The following DENND1A variants were observed in gnomAD, a reference collection of about 807,000 sequenced individuals.
DENND1A encodes DENN domain containing 1A, also known as DENN domain-containing protein 1A.
In DENND1A, 51 loss-of-function variants were observed where a neutral mutation model predicts 113.7. The ratio of observed to expected loss-of-function variants is 0.45; its 90% confidence interval spans 0.36 to 0.57. DENND1A has a LOEUF of 0.57. Among genes scored for constraint, DENND1A ranks in the 20% least tolerant of loss-of-function variants. The pLI is 0.00. For missense variants in DENND1A, 1,258 were observed against 1,395.9 expected, an observed-to-expected ratio of 0.90 and a Z score of 1.57; for synonymous variants, 565 against 570.8, an observed-to-expected ratio of 0.99 and a Z score of 0.14.
chr9:123,813,404 A>G (rs867738452), intron 2 of DENND1A, among the ~76,000 whole-genome samples: 17 of 150,482 alleles, frequency 1.1e-4, no homozygotes, highest in African/African-American at 3.9e-4. Context: ...TGTGAGTAGG[A>G]CTTTTTTTTT....
rs191184773 is a variant in DENND1A at position 123,470,529 on chromosome 9, G to C, written c.994-12632C>G. On this transcript the variant is annotated intron_variant, in intron 13 of 23. Transcript: ENST00000394215. Reference sequence around the variant, plus strand: ...GAAGTGCACTGGAGAGAGGACACGTGTCAGGGACCTGATAGGCCCCTAGAG... The same window carrying C: ...GAAGTGCACTGGAGAGAGGACACGTCTCAGGGACCTGATAGGCCCCTAGAG... Among the ~76,000 whole-genome samples the C allele has an allele frequency of 1.4e-3, 216 of 152,302 alleles. 1 individual carries two copies. The highest frequency in any genetic ancestry group is 2.0e-3 in the Non-Finnish European group (134 of 68,022).
intron 13 of DENND1A, among the ~76,000 whole-genome samples, chr9:123,531,825 T>C (rs1208142042): frequency 1.3e-5 from 2 of 152,002 alleles, no homozygotes; most frequent in African/African-American, 4.8e-5. Context: ...ATAAACCCCA[T>C]AATAAATATG....
chr9:123,419,913 TCAGCCAGGG>T (rs1366256159), intron 19 of DENND1A, among the ~76,000 whole-genome samples: 1 of 152,194 alleles, frequency 6.6e-6, no homozygotes, highest in Admixed American at 6.5e-5. Context: ...CTTCAGAGCT[TCAGCCAGGG>T]CAGCTGGAGA....
At chr9:123,887,868 C>T (rs1206289689) in intron 1 of DENND1A, among the ~76,000 whole-genome samples, 1 of 152,096 alleles carries the variant, frequency 6.6e-6, no homozygotes, top group African/African-American at 2.4e-5. Context: ...AACAGAAAAC[C>T]AACATGACTT....
At position 123,649,317 on chromosome 9, in the gene DENND1A, T is replaced by C. The variant is rs2062518799; in HGVS notation, c.618+2696A>G. Among the ~76,000 whole-genome samples, 2 of 152,232 alleles carry C rather than the reference T, an allele frequency of 1.3e-5. 1 individual carries two copies. The highest frequency in any genetic ancestry group is 4.1e-4 in the South Asian group (2 of 4,836). Reference sequence around the variant, plus strand: ...ATGTAAGTTATATTAATAGATTTTCTAGTATCATCAATCATTTGCTTCCTA... The same window carrying C: ...ATGTAAGTTATATTAATAGATTTTCCAGTATCATCAATCATTTGCTTCCTA... On this transcript the variant is annotated intron_variant, in intron 9 of 23. Transcript: ENST00000394215.
intron 20 of DENND1A, among the ~76,000 whole-genome samples, chr9:123,408,202 A>T (rs2044032429): frequency 6.6e-6 from 1 of 152,174 alleles, no homozygotes; most frequent in Non-Finnish European, 1.5e-5. Flanking sequence ...GGCTCCTGAC[A>T]TGGGAGCTTG....
chr9:123,436,141 G>C (rs1345928075), intron 19 of DENND1A, among the ~76,000 whole-genome samples: 1 of 152,164 alleles, frequency 6.6e-6, no homozygotes, highest in African/African-American at 2.4e-5. Flanking sequence ...GAGAAAACCA[G>C]GGGGGAATCC....
chr9:123,519,555 A>G (rs765341955), intron 13 of DENND1A, among the ~76,000 whole-genome samples: 22 of 152,216 alleles, frequency 1.4e-4, no homozygotes, highest in Non-Finnish European at 2.4e-4. Context: ...CTTGCGTCTC[A>G]GCCTCCTGAA....
chr9:123,648,991 G>A (rs984126642), intron 9 of DENND1A, among the ~76,000 whole-genome samples: 9 of 152,218 alleles, frequency 5.9e-5, no homozygotes, highest in Middle Eastern at 3.4e-3. Context: ...TACTAGCATC[G>A]TAATTACTAC....
At chr9:123,909,535 C>T (rs928394219) in intron 1 of DENND1A, among the ~76,000 whole-genome samples, 5 of 151,902 alleles carry the variant, frequency 3.3e-5, no homozygotes, top group Non-Finnish European at 5.9e-5. Context: ...TGGACAGAAA[C>T]TTCTCAAACT....
Position 123,699,586 on chromosome 9 carries a change from G to A in DENND1A, c.303-22797C>T, listed in dbSNP as rs571858625. On this transcript the variant is annotated intron_variant, in intron 5 of 23. Coordinates refer to ENST00000394215, the MANE Select transcript of DENND1A (RefSeq NM_001352964.2). ...ATAATTATTTTCTTCTTCTGTATTG[G>A]AAAAAGTGATTTCATCCAAAACTCA... Among the ~76,000 whole-genome samples, 578 of 151,356 alleles carry A rather than the reference G, an allele frequency of 3.8e-3. 3 individuals are homozygous for A. The highest frequency in any genetic ancestry group is 5.5e-3 in the Non-Finnish European group (374 of 67,896).
At chr9:123,821,779 T>C (rs896978814) in intron 2 of DENND1A, among the ~76,000 whole-genome samples, 1 of 152,224 alleles carries the variant, frequency 6.6e-6, no homozygotes, top group Non-Finnish European at 1.5e-5. Context: ...TCCAACAATA[T>C]GCAGAGGACA....
chr9:123,625,446 T>C (rs989493837), intron 10 of DENND1A, among the ~76,000 whole-genome samples: 22 of 152,184 alleles, frequency 1.4e-4, no homozygotes, highest in Admixed American at 5.9e-4. Context: ...TTTCAAATAA[T>C]AGAAAGCTGA....
At chr9:123,841,434 T>C (rs1841817968) in intron 2 of DENND1A, among the ~76,000 whole-genome samples, 1 of 152,244 alleles carries the variant, frequency 6.6e-6, no homozygotes, top group Admixed American at 6.5e-5. Flanking sequence ...TTTCAGTGTT[T>C]GTTCATTCCA....
chr9:123,569,268 C>T (rs997168490), intron 12 of DENND1A, among the ~76,000 whole-genome samples: 9 of 152,280 alleles, frequency 5.9e-5, no homozygotes, highest in Middle Eastern at 3.4e-3. Flanking sequence ...TCCTCCACCA[C>T]GAGCCAAACA....
intron 22 of DENND1A, among the ~76,000 whole-genome samples, chr9:123,384,977 C>CA (rs1022667424): frequency 6.6e-6 from 1 of 151,172 alleles, no homozygotes; most frequent in Non-Finnish European, 1.5e-5. Flanking sequence ...CAAAACAAAA[C>CA]AAAAAAACAA....
intron 5 of DENND1A, among the ~76,000 whole-genome samples, chr9:123,715,245 C>A (rs974650926): frequency 2.4e-4 from 37 of 152,110 alleles, no homozygotes; most frequent in Non-Finnish European, 2.9e-4. Context: ...TCTGGATTAG[C>A]AAGACAAATG....
At chr9:123,494,350 AC>A (rs1383889714) in intron 13 of DENND1A, among the ~76,000 whole-genome samples, 2 of 152,102 alleles carry the variant, frequency 1.3e-5, no homozygotes, top group Non-Finnish European at 2.9e-5. Flanking sequence ...CTGGGAATAC[AC>A]CCGCACCCTC....
At chr9:123,678,993 T>A (rs56386616) in intron 5 of DENND1A, among the ~76,000 whole-genome samples, 7,067 of 152,192 alleles carry the variant, frequency 0.046, 522 homozygotes, top group African/African-American at 0.16. Context: ...TTGCACAGAT[T>A]AGACGACTCA....
Sources: allele counts gnomAD v4.1 joint callset (sites outside exome capture counted in the v4.1 genomes callset), GRCh38; gene constraint gnomAD v4.1.1; transcripts MANE v1.5; gene names NCBI Gene and HGNC (gene_info 2026-07-23, HGNC 2026-07-21).